Variants in SPAG9 observed in about 807,000 individuals in gnomAD.
SPAG9 encodes the protein C-Jun-amino-terminal kinase-interacting protein 4.
Under a neutral mutation model 166.5 loss-of-function variants are expected in SPAG9, and 35 were observed. The observed-to-expected ratio is 0.21, with a 90% CI of 0.16 to 0.28. The LOEUF is 0.28. Among genes scored for constraint, SPAG9 ranks in the 10% least tolerant of loss-of-function variants. The pLI, the probability that SPAG9 is intolerant of heterozygous loss-of-function variation, is 1.00. For synonymous variants in SPAG9, 534 were observed against 565.5 expected (o/e 0.94, Z 0.79); for missense variants, 1,235 against 1,603.3 (o/e 0.77, Z 3.92).
rs77554505 is a variant in SPAG9 at position 51,115,383 on chromosome 17, G to A, written c.303+4971C>T. Among the ~76,000 whole-genome samples, 196 of 151,204 alleles carry A rather than the reference G, an allele frequency of 1.3e-3. 1 individual carries two copies. Among genetic ancestry groups the A allele is most frequent in the African/African-American group, 4.5e-3 (187 of 41,228 alleles). ...TTTTTTATGGTTTTTGGGGAAGAGG[G>A]GTCTCACTACGTTGCCCAGGCTTGA... On this transcript the variant is annotated intron_variant, in intron 1 of 29. Transcript: ENST00000262013.
At chr17:50,996,749 C>T in intron 15 of SPAG9, 55 bp from the exon 16 acceptor site, 2 of 1,574,486 alleles carry the variant, frequency 1.3e-6, no homozygotes, top group South Asian at 1.1e-5. Flanking sequence ...TACGTTTATC[C>T]CCAGTTTTAT....
chr17:50,994,831 G>C (rs368874165), intron 18 of SPAG9, among the ~76,000 whole-genome samples: 2 of 150,644 alleles, frequency 1.3e-5, no homozygotes, highest in East Asian at 3.8e-4. Context: ...GATTACATAC[G>C]TGTACACATG....
At chr17:51,058,610 A>C (rs1240869566) in intron 2 of SPAG9, among the ~76,000 whole-genome samples, 2 of 152,340 alleles carry the variant, frequency 1.3e-5, no homozygotes, top group South Asian at 2.1e-4. Context: ...TCAAACAAAA[A>C]ACTCCTCTGT....
intron 11 of SPAG9, among the ~76,000 whole-genome samples, chr17:51,005,718 G>A (rs2045186051): frequency 6.6e-6 from 1 of 152,222 alleles, no homozygotes. Context: ...GTGTGTGGTG[G>A]CAGGCACCTA....
At chr17:51,022,048 G>C (rs1383201477) in intron 6 of SPAG9, among the ~76,000 whole-genome samples, 2 of 151,418 alleles carry the variant, frequency 1.3e-5, no homozygotes, top group Non-Finnish European at 2.9e-5. Context: ...GCTTGAACCT[G>C]GGAGGCGGAG....
At chr17:51,088,872 G>T (rs1400300169) in intron 1 of SPAG9, among the ~76,000 whole-genome samples, 1 of 146,040 alleles carries the variant, frequency 6.8e-6, no homozygotes, top group South Asian at 2.2e-4. Flanking sequence ...AGGCAGGTGG[G>T]TCATGTGGTC....
intron 15 of SPAG9, among the ~76,000 whole-genome samples, chr17:50,997,757 G>C (rs1443457871): frequency 6.6e-6 from 1 of 152,122 alleles, no homozygotes; most frequent in Non-Finnish European, 1.5e-5. Context: ...TTGCCCAAGT[G>C]TTTGTACCTA....
intron 6 of SPAG9, chr17:51,023,427 T>C: frequency 4.6e-6 from 1 of 218,644 alleles, no homozygotes; most frequent in South Asian, 8.1e-5. Flanking sequence ...TAGATCCACC[T>C]TGGCTAACAT....
At chr17:51,009,245 A>G in intron 9 of SPAG9, 1 of 413,356 alleles carries the variant, frequency 2.4e-6, no homozygotes, top group South Asian at 1.8e-5. Flanking sequence ...GAGAGGAAAC[A>G]AAGAAATTGA....
intron 3 of SPAG9, among the ~76,000 whole-genome samples, chr17:51,050,018 TGTATA>T (rs1484154283): frequency 6.6e-6 from 1 of 152,222 alleles, no homozygotes; most frequent in Non-Finnish European, 1.5e-5. Flanking sequence ...CCCAGATTGC[TGTATA>T]GTAATCTATG....
chr17:51,042,658 CA>C lies in SPAG9; in HGVS notation c.591-1008del, dbSNP rs1266428600. The C allele has an allele frequency of 1.5e-4, 23 of 152,072 alleles. 1 individual carries two copies. The highest frequency in any genetic ancestry group is 2.6e-4 in the Admixed American group (4 of 15,260). 9.4% of individuals were successfully genotyped at this position (152,072 alleles called of 1,614,324 possible). On this transcript the variant is annotated intron_variant, in intron 4 of 29. Coordinates refer to ENST00000262013, the MANE Select transcript of SPAG9 (RefSeq NM_001130528.3). ...TTAATTCTGTAGTTCATTTTTATTC[CA>C]AGAAACTTCAGCCACTTTTGAAATG...
At chr17:51,046,567 G>A (rs2047028013) in intron 4 of SPAG9, 6 of 1,536,178 alleles carry the variant, frequency 3.9e-6, no homozygotes, top group Non-Finnish European at 4.4e-6. Context: ...TGCACAAGCA[G>A]CAAAACAGAG....
intron 4 of SPAG9, chr17:51,042,589 T>TCA (rs2046881105): frequency 6.6e-6 from 1 of 152,192 alleles, no homozygotes; most frequent in South Asian, 2.1e-4. Flanking sequence ...AACAATGAGC[T>TCA]CATTAATTAA....
At chr17:51,071,810 A>G (rs992178960) in intron 2 of SPAG9, among the ~76,000 whole-genome samples, 3 of 152,274 alleles carry the variant, frequency 2.0e-5, no homozygotes, top group African/African-American at 7.2e-5. Context: ...TATTGTGGCT[A>G]TTTTTTAAAA....
intron 1 of SPAG9, among the ~76,000 whole-genome samples, chr17:51,084,533 C>T (rs921492985): frequency 1.3e-5 from 2 of 152,074 alleles, no homozygotes; most frequent in Admixed American, 6.6e-5. Context: ...TCAGCCTCTG[C>T]GTAGCTGGGA....
chr17:50,998,338 A>AT lies in SPAG9; in HGVS notation c.1838+105dup, dbSNP rs1307319486. The AT allele has an allele frequency of 5.4e-6, 6 of 1,113,136 alleles. No individual in the cohort carries two copies. The East Asian group carries it at 7.7e-5, about 14-fold the overall frequency. 69.0% of individuals were successfully genotyped at this position (1,113,136 alleles called of 1,614,324 possible). On this transcript the variant is annotated intron_variant, in intron 15 of 29. Transcript: ENST00000262013. Reference sequence around the variant, plus strand: ...AGCCACCGTGCCTGGCCCAGAAATGATTTTTTTATAGATTTACCTGAATCC... The same window carrying AT: ...AGCCACCGTGCCTGGCCCAGAAATGATTTTTTTTATAGATTTACCTGAATCC...
chr17:51,015,343 A>C (rs929161762), intron 8 of SPAG9, among the ~76,000 whole-genome samples: 10 of 152,170 alleles, frequency 6.6e-5, no homozygotes, highest in Admixed American at 3.9e-4. Flanking sequence ...GATTAAAAAA[A>C]CTGTACAAAA....
intron 1 of SPAG9, among the ~76,000 whole-genome samples, chr17:51,097,102 T>C (rs1387540987): frequency 1.3e-5 from 2 of 152,180 alleles, no homozygotes; most frequent in Non-Finnish European, 2.9e-5. Flanking sequence ...TAGTGACGCC[T>C]CCATAAAAAC....
rs190680605 is a variant in SPAG9 at position 51,069,224 on chromosome 17, T to C, written c.424+10360A>G. Among the ~76,000 whole-genome samples, 234 of 152,146 alleles carry C rather than the reference T, an allele frequency of 1.5e-3. 2 individuals are homozygous for C. Among genetic ancestry groups the C allele is most frequent in the African/African-American group, 5.2e-3 (217 of 41,560 alleles). ...ACATATCATCATTAAAATATATATA[T>C]ATAAATCTTCGTAATCTACTTTTAT... On this transcript the variant is annotated intron_variant, in intron 2 of 29. Transcript: ENST00000262013.
Sources: gnomAD v4.1 joint callset for allele counts (sites outside exome capture counted in the v4.1 genomes callset) on GRCh38, gnomAD v4.1.1 for gene constraint, MANE v1.5 for transcripts, NCBI Gene and HGNC (gene_info 2026-07-23, HGNC 2026-07-21) for gene names.